The following MAMDC2 variants were observed in gnomAD, a reference collection of about 807,000 sequenced individuals.
The protein encoded by MAMDC2 is MAM domain-containing protein 2.
MAMDC2 carries 57 observed loss-of-function variants against 89.8 expected under a neutral mutation model. The ratio of observed to expected loss-of-function variants is 0.63; its 90% CI spans 0.51 to 0.79. The LOEUF is 0.79. Among genes scored for constraint, MAMDC2 ranks in the 30% least tolerant of loss-of-function variants. The probability of loss-of-function intolerance (pLI) is 0.00; values close to 1 mark genes in which losing one functional copy is unlikely to be tolerated. For missense variants in MAMDC2, 800 were observed against 820.6 expected (o/e 0.97, Z 0.31); for synonymous variants, 313 against 293.4 (o/e 1.07, Z -0.68).
chr9:70,132,007 C>T (rs1027367011), intron 7 of MAMDC2, among the ~76,000 whole-genome samples: 14 of 152,158 alleles, frequency 9.2e-5, no homozygotes, highest in African/African-American at 2.9e-4. Context: ...ATTTTAAAAA[C>T]GCTTTCCAAC....
At chr9:70,064,883 G>C (rs1042472235) in intron 2 of MAMDC2, among the ~76,000 whole-genome samples, 2 of 152,166 alleles carry the variant, frequency 1.3e-5, no homozygotes, top group Non-Finnish European at 2.9e-5. Flanking sequence ...ACCTGGGTTA[G>C]TAGTTTGTCT....
rs2118578924 is a variant in MAMDC2, at chr9:70,182,457, AG to A, written c.1651+11827del. On this transcript the variant is annotated intron_variant, in intron 11 of 13. Coordinates refer to ENST00000377182, the MANE Select transcript of MAMDC2 (RefSeq NM_153267.5). Reference sequence around the variant, plus strand: ...ACCAGCTCCTCTTTGTACCTCTGGTAGAATTTGGCTGTGAATCCATCTGGTC... The same window carrying A: ...ACCAGCTCCTCTTTGTACCTCTGGTAAATTTGGCTGTGAATCCATCTGGTC... Among the ~76,000 whole-genome samples the A allele has an allele frequency of 2.0e-5, 3 of 152,310 alleles. No homozygotes were observed. The South Asian group carries it at 6.2e-4, about 32-fold the overall frequency.
At chr9:70,218,951 G>A (rs1293915911) in intron 12 of MAMDC2, among the ~76,000 whole-genome samples, 1 of 152,112 alleles carries the variant, frequency 6.6e-6, no homozygotes, top group East Asian at 1.9e-4. Flanking sequence ...AGTTGCAGCT[G>A]CATCTTTTAC....
intron 9 of MAMDC2, among the ~76,000 whole-genome samples, chr9:70,151,646 A>C (rs1334032386): frequency 6.6e-6 from 1 of 152,092 alleles, no homozygotes; most frequent in Admixed American, 6.5e-5. Flanking sequence ...GTCTCTCTCC[A>C]ATCTTAGGGA....
At chr9:70,130,457 A>C (rs2030755947) in intron 6 of MAMDC2, among the ~76,000 whole-genome samples, 1 of 152,116 alleles carries the variant, frequency 6.6e-6, no homozygotes, top group South Asian at 2.1e-4. Context: ...TAACTCACAC[A>C]AGAGGAATGC....
rs931604096 is a variant in MAMDC2 at position 70,080,226 on chromosome 9, G to A, written c.149-27985G>A. ...AGGTAGCTAATATTATCAAAGCAGC[G>A]TGCTGCATGCATCTTTCCACAATCA... is the stretch of plus-strand genomic sequence containing the variant. On this transcript the variant is annotated intron_variant, in intron 2 of 13. Coordinates refer to ENST00000377182, the MANE Select transcript of MAMDC2 (RefSeq NM_153267.5). 1.1e-4 allele frequency among the ~76,000 whole-genome samples: 17 copies of A among 152,256 alleles called. No homozygotes were observed. In the South Asian group the frequency reaches 1.2e-3, roughly 11 times the overall value.
At chr9:70,073,195 A>G (rs1472820197) in intron 2 of MAMDC2, among the ~76,000 whole-genome samples, 2 of 152,250 alleles carry the variant, frequency 1.3e-5, no homozygotes, top group Non-Finnish European at 2.9e-5. Context: ...AGGCAGTGCA[A>G]GTAAAGCTTA....
chr9:70,108,160 C>T, intron 2 of MAMDC2, 51 bp from the exon 3 acceptor site: 1 of 1,483,742 alleles, frequency 6.7e-7, no homozygotes, highest in East Asian at 2.4e-5. Context: ...CGTATTTTTC[C>T]AGGTTGCAAA....
intron 4 of MAMDC2, 135 bp from the exon 5 acceptor site, chr9:70,112,860 G>T: frequency 9.7e-7 from 1 of 1,032,964 alleles, no homozygotes; most frequent in East Asian, 2.4e-5. Context: ...AATTGTGCAG[G>T]GGTCCTGGTA....
intron 11 of MAMDC2, among the ~76,000 whole-genome samples, chr9:70,174,714 A>G (rs4531114): frequency 0.79 from 118,630 of 150,390 alleles, 46,873 homozygotes; most frequent in Admixed American, 0.83. Flanking sequence ...AATTAATTAG[A>G]AGGGCTTTGG....
chr9:70,053,607 A>C (rs1826962995), intron 2 of MAMDC2, among the ~76,000 whole-genome samples: 1 of 152,200 alleles, frequency 6.6e-6, no homozygotes, highest in South Asian at 2.1e-4. Flanking sequence ...GCAGTGAAGG[A>C]GGTATTGGAA....
chr9:70,112,981 T>TCCA lies in MAMDC2; in HGVS notation c.506-14_506-13insCCA. The TCCA allele has an allele frequency of 6.2e-7, 1 of 1,614,032 alleles. No homozygotes were observed. Among genetic ancestry groups the TCCA allele is most frequent in the Non-Finnish European group, 8.5e-7 (1 of 1,179,934 alleles). The stretch of plus-strand genomic sequence containing the variant: ...ACTGTGTCTCCATGAAGTGTTTTTG[T>TCCA]TTCCCTTCCCCAGAATGTGACTTTG... On this transcript the variant is annotated splice_polypyrimidine_tract_variant and intron_variant, in intron 4 of 13. Coordinates refer to ENST00000377182, the MANE Select transcript of MAMDC2 (RefSeq NM_153267.5).
intron 2 of MAMDC2, among the ~76,000 whole-genome samples, chr9:70,051,944 T>C (rs1192462779): frequency 6.6e-6 from 1 of 151,718 alleles, no homozygotes; most frequent in Admixed American, 6.6e-5. Flanking sequence ...GATAGATAGA[T>C]ATAGTTTCAC....
At chr9:70,172,940 T>C (rs2032394604) in intron 11 of MAMDC2, 1 of 152,604 alleles carries the variant, frequency 6.6e-6, no homozygotes, top group Admixed American at 6.6e-5. Flanking sequence ...TAAAAGCTTA[T>C]AACAGAAAAT....
intron 11 of MAMDC2, among the ~76,000 whole-genome samples, chr9:70,198,181 T>TATAC (rs1370619569): frequency 9.7e-5 from 14 of 145,072 alleles, no homozygotes; most frequent in African/African-American, 3.1e-4. Flanking sequence ...TATATATATA[T>TATAC]ACACACACAC....
intron 11 of MAMDC2, among the ~76,000 whole-genome samples, chr9:70,218,134 A>G (rs1050964424): frequency 7.9e-5 from 12 of 152,248 alleles, no homozygotes; most frequent in Non-Finnish European, 1.6e-4. Flanking sequence ...ATAAATCATT[A>G]AATTTAAGAA....
chr9:70,183,223 T>A (rs1016323889), intron 11 of MAMDC2, among the ~76,000 whole-genome samples: 12 of 152,232 alleles, frequency 7.9e-5, no homozygotes, highest in Non-Finnish European at 5.9e-5. Context: ...CTGTTTGTTA[T>A]GATTTCTGTT....
intron 11 of MAMDC2, among the ~76,000 whole-genome samples, chr9:70,204,989 G>T (rs1237810652): frequency 6.6e-6 from 1 of 152,216 alleles, no homozygotes; most frequent in African/African-American, 2.4e-5. Flanking sequence ...CGGTACCTCA[G>T]ATGGAAATGC....
chr9:70,132,231 T>C (rs1051302716), intron 7 of MAMDC2, among the ~76,000 whole-genome samples: 15 of 152,192 alleles, frequency 9.9e-5, no homozygotes, highest in African/African-American at 3.4e-4. Flanking sequence ...TCTGGAAAAA[T>C]AGGTAAGCAA....
Sources: gnomAD v4.1 joint callset for allele counts (sites outside exome capture counted in the v4.1 genomes callset) on GRCh38, gnomAD v4.1.1 for gene constraint, MANE v1.5 for transcripts, NCBI Gene and HGNC (gene_info 2026-07-23, HGNC 2026-07-21) for gene names.